SLC16A10: variants seen among roughly 807,000 people sequenced by gnomAD.
The protein encoded by SLC16A10 is monocarboxylate transporter 10.
A neutral mutation model predicts 40.0 loss-of-function variants in SLC16A10; 27 were observed. The ratio of observed to expected loss-of-function variants is 0.67; its 90% CI spans 0.50 to 0.93. The LOEUF is 0.93. SLC16A10 is among the 40% of genes least tolerant of loss of function. The pLI is 0.00. For synonymous variants in SLC16A10, 213 were observed against 249.8 expected (o/e 0.85, Z 1.39); for missense variants, 529 against 658.2 (o/e 0.80, Z 2.15).
chr6:111,166,963 C>A (rs747599741), intron 1 of SLC16A10, among the ~76,000 whole-genome samples: 12 of 152,210 alleles, frequency 7.9e-5, no homozygotes, highest in Non-Finnish European at 1.8e-4. Context: ...GTTATACAAG[C>A]ACATCTTGCA....
At chr6:111,186,833 C>T (rs750116740) in intron 3 of SLC16A10, among the ~76,000 whole-genome samples, 10 of 152,068 alleles carry the variant, frequency 6.6e-5, no homozygotes, top group Non-Finnish European at 1.3e-4. Context: ...TCTCCTTGGG[C>T]AGCTTACTTG....
Position 111,088,135 on chromosome 6 carries a change from G to T in SLC16A10, c.343+40G>T. The T allele has an allele frequency of 1.3e-6, 2 of 1,575,128 alleles. 1 individual carries two copies. Among genetic ancestry groups the T allele is most frequent in the Non-Finnish European group, 1.7e-6 (2 of 1,162,084 alleles). ...CCGCCGAGGCCAGCCTGGGCGACCC[G>T]CGTGGGGCCCCCGAGCGCATCCCGC... On this transcript the variant is annotated intron_variant, in intron 1 of 5. Transcript: ENST00000368851.
chr6:111,219,851 A>G (rs1267366333), intron 5 of SLC16A10, among the ~76,000 whole-genome samples: 1 of 152,168 alleles, frequency 6.6e-6, no homozygotes, highest in Admixed American at 6.5e-5. Flanking sequence ...AGGCCAAGGC[A>G]GGAGAATCAT....
At chr6:111,221,835 A>T (rs1012688851) in intron 5 of SLC16A10, among the ~76,000 whole-genome samples, 168 bp from the exon 6 acceptor site, 1 of 151,894 alleles carries the variant, frequency 6.6e-6, no homozygotes, top group Non-Finnish European at 1.5e-5. Context: ...AACGTTAAAG[A>T]TATGAGATCT....
intron 1 of SLC16A10, among the ~76,000 whole-genome samples, chr6:111,153,088 G>A (rs1211810928): frequency 6.6e-6 from 1 of 152,164 alleles, no homozygotes; most frequent in Non-Finnish European, 1.5e-5. Flanking sequence ...AGCCAATAGG[G>A]TGGAACATGT....
intron 1 of SLC16A10, among the ~76,000 whole-genome samples, chr6:111,124,475 C>A (rs572033135): frequency 2.0e-5 from 3 of 152,162 alleles, no homozygotes; most frequent in East Asian, 3.9e-4. Flanking sequence ...GACCCTCCCA[C>A]CTCAGCCTCC....
chr6:111,177,291 A>G lies in SLC16A10; in HGVS notation c.568A>G (p.Ile190Val), dbSNP rs1442706822. 1 of 1,610,124 alleles carries G rather than the reference A, an allele frequency of 6.2e-7. No individual in the cohort carries two copies. The highest frequency in any genetic ancestry group is 1.1e-5 in the South Asian group (1 of 90,604). Residue 190 changes from isoleucine (I) to valine (V), a missense_variant, in exon 3 of 6, where the codon ATT becomes GTT. Transcript: ENST00000368851. Reference sequence around the variant, plus strand: ...CTTTGCATACCAGCCTTCATTGGTCATTTTGGGACACTATTTCAAGAAGCG... The same window carrying G: ...CTTTGCATACCAGCCTTCATTGGTCGTTTTGGGACACTATTTCAAGAAGCG... The part of the protein sequence containing the change: ...CSFAYQPSLV[I>V]LGHYFKKRLG...
At chr6:111,129,731 C>G (rs990306607) in intron 1 of SLC16A10, among the ~76,000 whole-genome samples, 1 of 152,162 alleles carries the variant, frequency 6.6e-6, no homozygotes, top group Non-Finnish European at 1.5e-5. Flanking sequence ...ATCCAAATTG[C>G]CTTTTCTCTC....
At chr6:111,100,294 A>C (rs1487488451) in intron 1 of SLC16A10, among the ~76,000 whole-genome samples, 4 of 152,170 alleles carry the variant, frequency 2.6e-5, no homozygotes, top group African/African-American at 7.2e-5. Context: ...TTATCTATGG[A>C]TGTCTACTTG....
In SLC16A10 at chr6:111,231,171, A is replaced by T. The variant is rs1771110074; in HGVS notation, c.*8936A>T. The stretch of plus-strand genomic sequence containing the variant: ...AAAATGTGATACTCTTAGTAAATGC[A>T]ATAAAAACTTTTTAGCAAATTCCTA... On this transcript the variant is annotated 3_prime_UTR_variant, in exon 6 of 6. Coordinates refer to ENST00000368851, the MANE Select transcript of SLC16A10 (RefSeq NM_018593.5). 1 of 151,990 alleles carries T rather than the reference A, an allele frequency of 6.6e-6. No individual in the cohort carries two copies. The highest frequency in any genetic ancestry group is 1.5e-5 in the Non-Finnish European group (1 of 68,012). 9.4% of individuals were successfully genotyped at this position (151,990 alleles called of 1,614,324 possible).
chr6:111,180,473 C>T (rs1389248661), intron 3 of SLC16A10, among the ~76,000 whole-genome samples: 1 of 152,192 alleles, frequency 6.6e-6, no homozygotes, highest in Non-Finnish European at 1.5e-5. Flanking sequence ...CGCATGAGCC[C>T]AGGAGGTCAA....
At chr6:111,204,711 G>T (rs1326823500) in intron 3 of SLC16A10, among the ~76,000 whole-genome samples, 1 of 152,094 alleles carries the variant, frequency 6.6e-6, no homozygotes, top group Non-Finnish European at 1.5e-5. Context: ...TTGTAGAGCT[G>T]GATCACACAG....
chr6:111,141,258 T>C (rs919769136), intron 1 of SLC16A10, among the ~76,000 whole-genome samples: 1 of 152,208 alleles, frequency 6.6e-6, no homozygotes, highest in Non-Finnish European at 1.5e-5. Flanking sequence ...TGTGTTAGCA[T>C]AATCAAGATA....
At chr6:111,089,499 T>G (rs1770934429) in intron 1 of SLC16A10, among the ~76,000 whole-genome samples, 2 of 152,202 alleles carry the variant, frequency 1.3e-5, no homozygotes, top group African/African-American at 4.8e-5. Context: ...TCGTTATGCA[T>G]GTGAATACGG....
At chr6:111,146,945 G>A (rs1051775356) in intron 1 of SLC16A10, among the ~76,000 whole-genome samples, 1 of 152,060 alleles carries the variant, frequency 6.6e-6, no homozygotes, top group African/African-American at 2.4e-5. Context: ...AAAGAAACCA[G>A]CCACAAAAGG....
intron 1 of SLC16A10, among the ~76,000 whole-genome samples, chr6:111,091,542 T>C (rs905509689): frequency 3.9e-5 from 6 of 152,220 alleles, no homozygotes; most frequent in Non-Finnish European, 7.3e-5. Context: ...AAACTATATT[T>C]CTGAAGTGTA....
At chr6:111,111,431 A>G (rs1320856490) in intron 1 of SLC16A10, among the ~76,000 whole-genome samples, 2 of 152,152 alleles carry the variant, frequency 1.3e-5, no homozygotes, top group Non-Finnish European at 2.9e-5. Context: ...CAAGAATAAA[A>G]TTTTATCATC....
chr6:111,122,894 G>GA (rs1182144094), intron 1 of SLC16A10, among the ~76,000 whole-genome samples: 1 of 152,218 alleles, frequency 6.6e-6, no homozygotes, highest in Non-Finnish European at 1.5e-5. Flanking sequence ...ATCCCCTGGA[G>GA]AGGGGTACTG....
intron 3 of SLC16A10, chr6:111,193,435 A>G: frequency 2.1e-6 from 1 of 475,128 alleles, no homozygotes; most frequent in Non-Finnish European, 2.8e-6. Flanking sequence ...TTGTTTACTC[A>G]TTCATGGGGA....
Sources: allele counts gnomAD v4.1 joint callset (sites outside exome capture counted in the v4.1 genomes callset), GRCh38; gene constraint gnomAD v4.1.1; transcripts MANE v1.5; gene names NCBI Gene and HGNC (gene_info 2026-07-23, HGNC 2026-07-21).